The following CTNNA3 variants were observed in gnomAD, a reference collection of about 807,000 sequenced individuals.
CTNNA3 encodes catenin alpha-3.
In CTNNA3, 76 loss-of-function variants were observed where a neutral mutation model predicts 95.7. The ratio of observed to expected loss-of-function variants is 0.79; its 90% confidence interval spans 0.66 to 0.96. The LOEUF (loss-of-function observed/expected upper bound fraction) is 0.96, where lower values mean the gene tolerates loss of function less well. Among genes scored for constraint, CTNNA3 ranks in the 40% least tolerant of loss-of-function variants. The pLI is 0.00. For synonymous variants in CTNNA3, 431 were observed against 374.4 expected, an observed-to-expected ratio of 1.15 and a Z score of -1.74; for missense variants, 1,191 against 1,089.8, an observed-to-expected ratio of 1.09 and a Z score of -1.31.
chr10:66,687,495 T>A (rs950026560), intron 9 of CTNNA3, among the ~76,000 whole-genome samples: 1 of 152,184 alleles, frequency 6.6e-6, no homozygotes, highest in Non-Finnish European at 1.5e-5. Flanking sequence ...TTGTTTTGTT[T>A]ACTAATATAT....
intron 3 of CTNNA3, among the ~76,000 whole-genome samples, chr10:67,590,882 G>C (rs1050876035): frequency 6.6e-6 from 1 of 151,910 alleles, no homozygotes; most frequent in African/African-American, 2.4e-5. Flanking sequence ...AGTAAGATTT[G>C]AATTAGTAAA....
intron 6 of CTNNA3, among the ~76,000 whole-genome samples, chr10:67,208,857 A>G (rs982852100): frequency 6.6e-6 from 1 of 152,190 alleles, no homozygotes. Context: ...ATTGTCAAAG[A>G]TACACCAGGA....
intron 2 of CTNNA3, among the ~76,000 whole-genome samples, chr10:67,634,168 C>T (rs1368367661): frequency 6.6e-6 from 1 of 152,080 alleles, no homozygotes; most frequent in East Asian, 1.9e-4. Context: ...AGATTGGGGG[C>T]CAATATTTAA....
chr10:67,728,416 A>C (rs116184503), intron 1 of CTNNA3, among the ~76,000 whole-genome samples: 2 of 149,708 alleles, frequency 1.3e-5, no homozygotes. Flanking sequence ...AATATATACT[A>C]TATGTATGTA....
chr10:67,430,820 TACACACACACACAC>T (rs371146065), intron 5 of CTNNA3, among the ~76,000 whole-genome samples: 1 of 138,770 alleles, frequency 7.2e-6, no homozygotes, highest in Non-Finnish European at 1.6e-5. Context: ...CAAACATAAC[TACACACACACACAC>T]ACACACACAC....
intron 1 of CTNNA3, among the ~76,000 whole-genome samples, chr10:67,715,282 G>A (rs1022313594): frequency 6.6e-6 from 1 of 152,106 alleles, no homozygotes. Context: ...TTGGATAATG[G>A]TATATAGTTC....
At chr10:67,232,206 T>C (rs929947674) in intron 5 of CTNNA3, among the ~76,000 whole-genome samples, 2 of 151,964 alleles carry the variant, frequency 1.3e-5, no homozygotes, top group Admixed American at 6.6e-5. Context: ...AGACACATAA[T>C]TGTCAGATTC....
chr10:67,096,074 GA>G lies in CTNNA3; in HGVS notation c.1047+84242del, dbSNP rs756258692. On this transcript the variant is annotated intron_variant, in intron 7 of 17. Transcript: ENST00000433211. ...AAATCTTAAAAATCCACATAAATAG[GA>G]AGAGTTACTCTGGAATTTTCATTTA... 9.9e-4 allele frequency among the ~76,000 whole-genome samples: 151 copies of G among 151,792 alleles called. No homozygotes were observed. The Middle Eastern group carries it at 0.02, about 21-fold the overall frequency.
chr10:67,257,328 C>A (rs938455487), intron 5 of CTNNA3, among the ~76,000 whole-genome samples: 3 of 152,200 alleles, frequency 2.0e-5, no homozygotes, highest in Non-Finnish European at 4.4e-5. Context: ...TATGTAAAGA[C>A]TCCTAGAGTG....
intron 12 of CTNNA3, among the ~76,000 whole-genome samples, chr10:66,339,196 A>T (rs1425839380): frequency 6.6e-6 from 1 of 151,944 alleles, no homozygotes; most frequent in Admixed American, 6.6e-5. Context: ...ATTATTTAAA[A>T]TTAATCTCTG....
intron 5 of CTNNA3, among the ~76,000 whole-genome samples, chr10:67,345,733 G>T (rs1842389402): frequency 6.6e-6 from 1 of 151,976 alleles, no homozygotes; most frequent in Admixed American, 6.6e-5. Flanking sequence ...GGTGAAGTGT[G>T]TTTTTTGTAA....
intron 7 of CTNNA3, among the ~76,000 whole-genome samples, chr10:66,890,412 A>G (rs1294075926): frequency 6.6e-6 from 1 of 152,058 alleles, no homozygotes; most frequent in African/African-American, 2.4e-5. Flanking sequence ...GGAGGAGAAC[A>G]TGAAAACATT....
intron 15 of CTNNA3, among the ~76,000 whole-genome samples, chr10:66,028,584 A>G (rs1199639759): frequency 2.8e-5 from 4 of 141,304 alleles, no homozygotes; most frequent in African/African-American, 7.7e-5. Context: ...ATCACACACC[A>G]GGGCCTGTTG....
intron 7 of CTNNA3, among the ~76,000 whole-genome samples, chr10:66,887,009 T>C (rs1237176292): frequency 6.6e-6 from 1 of 152,174 alleles, no homozygotes; most frequent in East Asian, 1.9e-4. Context: ...TTTACCAGTC[T>C]CAAACTAATG....
At chr10:66,272,785 A>T (rs767877374) in intron 13 of CTNNA3, among the ~76,000 whole-genome samples, 6 of 152,180 alleles carry the variant, frequency 3.9e-5, no homozygotes, top group Admixed American at 1.3e-4. Flanking sequence ...TAATCTTCAG[A>T]CACAATTAAT....
intron 14 of CTNNA3, among the ~76,000 whole-genome samples, chr10:66,080,908 G>C (rs552157092): frequency 6.6e-6 from 1 of 152,260 alleles, no homozygotes; most frequent in South Asian, 2.1e-4. Flanking sequence ...TTTCAGAGAT[G>C]GTTCACAGAT....
intron 5 of CTNNA3, among the ~76,000 whole-genome samples, chr10:67,512,306 TATG>T (rs2133132652): frequency 6.6e-6 from 1 of 152,268 alleles, no homozygotes; most frequent in South Asian, 2.1e-4. Flanking sequence ...GTACAGCCAC[TATG>T]AACAGTAGTA....
intron 9 of CTNNA3, among the ~76,000 whole-genome samples, chr10:66,667,133 C>G (rs115150755): frequency 0.011 from 1,615 of 151,842 alleles, 36 homozygotes; most frequent in African/African-American, 0.037. Context: ...TTCACTACCG[C>G]GAGGTTTCCA....
At chr10:65,972,121 A>G (rs959707181) in intron 16 of CTNNA3, among the ~76,000 whole-genome samples, 13 of 152,142 alleles carry the variant, frequency 8.5e-5, no homozygotes, top group African/African-American at 2.9e-4. Context: ...CCTTCATGAT[A>G]AAAACCTTCA....
Sources: gnomAD v4.1 joint callset for allele counts (sites outside exome capture counted in the v4.1 genomes callset) on GRCh38, gnomAD v4.1.1 for gene constraint, MANE v1.5 for transcripts, NCBI Gene and HGNC (gene_info 2026-07-23, HGNC 2026-07-21) for gene names.